The following TRIM35 variants were observed in gnomAD, a reference collection of about 807,000 sequenced individuals.
TRIM35 encodes the protein tripartite motif containing 35, also known as E3 ubiquitin-protein ligase TRIM35.
In TRIM35, 37 loss-of-function variants were observed where a neutral mutation model predicts 49.1. The ratio of observed to expected loss-of-function variants is 0.75; its 90% CI spans 0.58 to 0.99. The LOEUF is 0.99. Ranked by LOEUF, TRIM35 falls within the 50% of genes least tolerant of loss-of-function variation. The pLI is 0.00. For synonymous variants in TRIM35, 302 were observed against 289.3 expected, an observed-to-expected ratio of 1.04 and a Z score of -0.45; for missense variants, 648 against 702.7, an observed-to-expected ratio of 0.92 and a Z score of 0.88.
At chr8:27,298,334 T>C (rs1802611618) in intron 2 of TRIM35, 130 bp downstream of exon 2, 1 of 784,676 alleles carries the variant, frequency 1.3e-6, no homozygotes, top group Non-Finnish European at 2.1e-6. Flanking sequence ...CACAGGACCA[T>C]CAGAGGTAAG....
chr8:27,303,975 T>G (rs1417072845), intron 1 of TRIM35, among the ~76,000 whole-genome samples: 1 of 152,262 alleles, frequency 6.6e-6, no homozygotes, highest in Non-Finnish European at 1.5e-5. Context: ...ATTACAGGCA[T>G]GAGCCACCGC....
chr8:27,311,242 A>G lies in TRIM35; in HGVS notation c.-7T>C, dbSNP rs1387627852. ...CGTCGGGACTCCGCTCCATGGCACG[A>G]GCAGCCGGCTCGGGCGCCCGGAACT... On this transcript the variant is annotated 5_prime_UTR_variant, in exon 1 of 6. Coordinates refer to ENST00000305364, the MANE Select transcript of TRIM35 (RefSeq NM_171982.5). 4.0e-6 allele frequency: 6 copies of G among 1,514,558 alleles called. No homozygotes were observed. The highest frequency in any genetic ancestry group is 4.4e-6 in the Non-Finnish European group (5 of 1,131,154). The allele number at this position is 1,514,558 out of a possible 1,614,324, so 93.8% of individuals were successfully genotyped here.
At chr8:27,301,650 T>C (rs533405149) in intron 1 of TRIM35, among the ~76,000 whole-genome samples, 2 of 152,342 alleles carry the variant, frequency 1.3e-5, no homozygotes, top group Admixed American at 1.3e-4. Flanking sequence ...TACTTCATCA[T>C]TTATCTTTCT....
intron 1 of TRIM35, among the ~76,000 whole-genome samples, chr8:27,308,413 C>A (rs1802831572): frequency 6.6e-6 from 1 of 152,184 alleles, no homozygotes; most frequent in Non-Finnish European, 1.5e-5. Context: ...CTAAAACACA[C>A]ATCCCATCAC....
Position 27,310,885 on chromosome 8 carries a change from C to T in TRIM35, c.351G>A (p.Glu117=), listed in dbSNP as rs768831774. ...QLSLFCLEDK[E]LLCCSCQADP... is the part of the protein sequence containing the mutation. ...CGGCCTGGCAGGAGCAGCACAGCAG[C>T]TCCTTGTCCTCGAGGCAGAAGAGGC... The change falls in exon 1 of 6, where the codon GAG becomes GAA. Residue 117 remains glutamate (E), a synonymous_variant. Coordinates refer to ENST00000305364, the MANE Select transcript of TRIM35 (RefSeq NM_171982.5). 43 of 1,612,836 alleles carry T rather than the reference C, an allele frequency of 2.7e-5. No homozygotes were observed. The highest frequency in any genetic ancestry group is 3.6e-5 in the Non-Finnish European group (42 of 1,179,860).
chr8:27,293,323 T>C (rs530411268), intron 3 of TRIM35, among the ~76,000 whole-genome samples: 290 of 152,054 alleles, frequency 1.9e-3, no homozygotes, highest in African/African-American at 6.8e-3. Flanking sequence ...TAAGGACCAC[T>C]GGCTCATGGG....
At chr8:27,309,165 G>A (rs1230514108) in intron 1 of TRIM35, among the ~76,000 whole-genome samples, 1 of 152,200 alleles carries the variant, frequency 6.6e-6, no homozygotes, top group Non-Finnish European at 1.5e-5. Flanking sequence ...TGGGGGCTCT[G>A]CCTGGGTGTT....
chr8:27,309,466 C>T (rs1477114327), intron 1 of TRIM35, among the ~76,000 whole-genome samples: 1 of 152,128 alleles, frequency 6.6e-6, no homozygotes, highest in Non-Finnish European at 1.5e-5. Context: ...TTGTCAAATG[C>T]ATTTGGAGCG....
rs775207348 is a variant in TRIM35 at position 27,311,109 on chromosome 8, C to A, written c.127G>T (p.Gly43Trp). 6.3e-7 allele frequency: 1 copy of A among 1,599,364 alleles called. No homozygotes were observed. The highest frequency in any genetic ancestry group is 1.7e-4 in the Middle Eastern group (1 of 6,030). ...TLRCGHNFCR[G>W]CVSRCWEVQV... Reference sequence around the variant, plus strand: ...ACCTCCCAGCAGCGGCTCACGCACCCGCGGCAGAAGTTGTGGCCGCAGCGC... The same window carrying A: ...ACCTCCCAGCAGCGGCTCACGCACCAGCGGCAGAAGTTGTGGCCGCAGCGC... The change falls in exon 1 of 6, where the codon GGG becomes TGG. Residue 43 changes from glycine (G) to tryptophan (W), a missense_variant. By Grantham distance (184) the Gly-to-Trp change is radical (BLOSUM62 -2). Coordinates refer to ENST00000305364, the MANE Select transcript of TRIM35 (RefSeq NM_171982.5).
chr8:27,307,564 C>T (rs752655314), intron 1 of TRIM35, among the ~76,000 whole-genome samples: 3 of 152,324 alleles, frequency 2.0e-5, no homozygotes, highest in East Asian at 1.9e-4. Flanking sequence ...TAGGACTGTC[C>T]GGTCCTGTCC....
At chr8:27,301,709 T>A (rs1219779329) in intron 1 of TRIM35, among the ~76,000 whole-genome samples, 2 of 152,192 alleles carry the variant, frequency 1.3e-5, no homozygotes, top group Non-Finnish European at 2.9e-5. Flanking sequence ...AGGATTAGTA[T>A]ACTAGTTTTA....
At position 27,298,586 on chromosome 8, in the gene TRIM35, G is replaced by A. The variant is rs1039135751; in HGVS notation, c.436-27C>T. 4.4e-6 allele frequency: 7 copies of A among 1,601,152 alleles called. No individual in the cohort carries two copies. The African/African-American group carries it at 5.4e-5, about 12-fold the overall frequency. On this transcript the variant is annotated intron_variant, in intron 1 of 5. Coordinates refer to ENST00000305364, the MANE Select transcript of TRIM35 (RefSeq NM_171982.5). ...TGACATGGGAATGAGAGAGAGGGAG[G>A]AAGACAGGTTAGGGCTGGAGGCTGG...
chr8:27,289,058 G>C, intron 5 of TRIM35, 104 bp downstream of exon 5: 1 of 827,792 alleles, frequency 1.2e-6, no homozygotes. Context: ...GGGGAGCTCT[G>C]AGGAGGTGGG....
chr8:27,292,110 C>T (rs1271700985), intron 3 of TRIM35, among the ~76,000 whole-genome samples: 1 of 152,234 alleles, frequency 6.6e-6, no homozygotes, highest in Non-Finnish European at 1.5e-5. Flanking sequence ...TGCAACGTAA[C>T]GATGTTTCAG....
In TRIM35 at chr8:27,311,223, G is replaced by C. The variant is rs1450890329; in HGVS notation, c.13C>G (p.Pro5Ala). 2 of 1,558,258 alleles carry C rather than the reference G, an allele frequency of 1.3e-6. No individual in the cohort carries two copies. Among genetic ancestry groups the C allele is most frequent in the East Asian group, 2.3e-5 (1 of 43,432 alleles). The change falls in exon 1 of 6, where the codon CCC becomes GCC. Residue 5 changes from proline to alanine, a missense_variant. Coordinates refer to ENST00000305364, the MANE Select transcript of TRIM35 (RefSeq NM_171982.5). MERS[P>A]DVSPGPSRSF... ...CGGGAAGGCCCGGGGGACACGTCGG[G>C]ACTCCGCTCCATGGCACGAGCAGCC...
In TRIM35 at chr8:27,287,449, A is replaced by G. The variant is rs1047038414; in HGVS notation, c.*101T>C. On this transcript the variant is annotated 3_prime_UTR_variant, in exon 6 of 6. Transcript: ENST00000305364. The surrounding 1 kb of genome is among the most constrained non-coding windows in gnomAD (Gnocchi z 6.0). ...GCAGGACAGGAGGAAGAGCCTGGCA[A>G]GGAGGCAGGGGCGCAATAGTGCCCA... is the stretch of plus-strand genomic sequence containing the variant. 21 of 1,248,688 alleles carry G rather than the reference A, an allele frequency of 1.7e-5. No individual in the cohort carries two copies. The highest frequency in any genetic ancestry group is 2.1e-5 in the Non-Finnish European group (19 of 914,194). 77.4% of individuals were successfully genotyped at this position (1,248,688 alleles called of 1,614,324 possible).
At chr8:27,288,353 G>A (rs1212721957) in intron 5 of TRIM35, among the ~76,000 whole-genome samples, 1 of 152,138 alleles carries the variant, frequency 6.6e-6, no homozygotes, top group Non-Finnish European at 1.5e-5. Context: ...TTGGGAATGG[G>A]GTGGTTGTAC....
chr8:27,298,530 C>T lies in TRIM35; in HGVS notation c.465G>A (p.Leu155=), dbSNP rs1248764303. The T allele has an allele frequency of 6.2e-7, 1 of 1,614,240 alleles. No homozygotes were observed. Among genetic ancestry groups the T allele is most frequent in the South Asian group, 1.1e-5 (1 of 91,084 alleles). Residue 155 remains leucine, a synonymous_variant, in exon 2 of 6, where the codon CTG becomes CTA. Transcript: ENST00000305364. ...RAKCRNMEHA[L]REKAKAFWAM... Reference sequence around the variant, plus strand: ...CCCAGAAGGCCTTGGCCTTCTCCCGCAGTGCATGCTCCATGTTCCTGCACT... The same window carrying T: ...CCCAGAAGGCCTTGGCCTTCTCCCGTAGTGCATGCTCCATGTTCCTGCACT...
chr8:27,297,620 A>G (rs574127982), intron 2 of TRIM35, among the ~76,000 whole-genome samples: 1 of 152,384 alleles, frequency 6.6e-6, no homozygotes, highest in African/African-American at 2.4e-5. Context: ...ATAGAAAACA[A>G]AAGGTAATTA....
Sources: allele counts gnomAD v4.1 joint callset (sites outside exome capture counted in the v4.1 genomes callset), GRCh38; gene constraint gnomAD v4.1.1; non-coding constraint Gnocchi (gnomAD v3.1); transcripts MANE v1.5; gene names NCBI Gene and HGNC (gene_info 2026-07-23, HGNC 2026-07-21).